Variants in ROBO2 observed in about 807,000 individuals in gnomAD.
ROBO2 encodes the protein roundabout guidance receptor 2.
A neutral mutation model predicts 160.8 loss-of-function variants in ROBO2; 53 were observed. That is an observed-to-expected ratio of 0.33 (90% CI 0.26 to 0.41). The LOEUF is 0.41. ROBO2 is among the 10% of genes least tolerant of loss of function. The pLI, the probability that ROBO2 is intolerant of heterozygous loss-of-function variation, is 1.00. For missense variants in ROBO2, 1,577 were observed against 1,722.4 expected, an observed-to-expected ratio of 0.92 and a Z score of 1.49; for synonymous variants, 664 against 611.7, an observed-to-expected ratio of 1.09 and a Z score of -1.26.
At chr3:77,106,160 A>G (rs2072769714) in intron 2 of ROBO2, among the ~76,000 whole-genome samples, 1 of 152,016 alleles carries the variant, frequency 6.6e-6, no homozygotes, top group African/African-American at 2.4e-5. Flanking sequence ...CTCCCACCAC[A>G]GCTTCCCAAG....
At chr3:77,272,873 C>A (rs556365996) in intron 2 of ROBO2, among the ~76,000 whole-genome samples, 1 of 152,182 alleles carries the variant, frequency 6.6e-6, no homozygotes, top group African/African-American at 2.4e-5. Context: ...AAAAATCTCT[C>A]TCTATATATA....
intron 2 of ROBO2, among the ~76,000 whole-genome samples, chr3:76,441,527 C>A (rs984551511): frequency 6.6e-6 from 1 of 152,202 alleles, no homozygotes; most frequent in Non-Finnish European, 1.5e-5. Flanking sequence ...AGCAGATTGA[C>A]AACCCATGAG....
chr3:76,224,880 T>C (rs2107437416), intron 2 of ROBO2, among the ~76,000 whole-genome samples: 1 of 152,170 alleles, frequency 6.6e-6, no homozygotes, highest in East Asian at 1.9e-4. Flanking sequence ...CAATCTCATT[T>C]CCCCCTTCCC....
intron 2 of ROBO2, among the ~76,000 whole-genome samples, chr3:76,599,098 G>T (rs2086928013): frequency 6.6e-6 from 1 of 152,078 alleles, no homozygotes; most frequent in African/African-American, 2.4e-5. Context: ...TAGGTTCAGG[G>T]TTACATGTGC....
At chr3:77,316,666 A>G (rs2064025036) in intron 2 of ROBO2, 2 of 672,240 alleles carry the variant, frequency 3.0e-6, no homozygotes, top group Admixed American at 2.1e-5. Flanking sequence ...CTTGCATCCC[A>G]GTCATACAAT....
intron 2 of ROBO2, among the ~76,000 whole-genome samples, chr3:76,182,934 A>G (rs1701579624): frequency 1.3e-5 from 2 of 152,088 alleles, no homozygotes; most frequent in South Asian, 4.2e-4. Context: ...ATTTCCTTGA[A>G]ACTCTGTAGC....
intron 2 of ROBO2, among the ~76,000 whole-genome samples, chr3:77,107,499 C>T (rs1023512818): frequency 6.6e-6 from 1 of 152,100 alleles, no homozygotes; most frequent in Admixed American, 6.6e-5. Flanking sequence ...TTTTTAAAAA[C>T]TAACAAAAAT....
chr3:77,089,547 TAG>T (rs2069836875), intron 1 of ROBO2, among the ~76,000 whole-genome samples: 1 of 152,204 alleles, frequency 6.6e-6, no homozygotes, highest in Admixed American at 6.5e-5. Context: ...AAGAAATAAG[TAG>T]AGTTTCTAGG....
At chr3:77,345,318 G>T (rs968683443) in intron 2 of ROBO2, among the ~76,000 whole-genome samples, 1 of 152,020 alleles carries the variant, frequency 6.6e-6, no homozygotes, top group African/African-American at 2.4e-5. Flanking sequence ...TCCAAGAGAA[G>T]GTAGAAACAT....
Position 76,192,608 on chromosome 3 carries a change from T to C in ROBO2, c.109+255006T>C, listed in dbSNP as rs1372373719. Among the ~76,000 whole-genome samples the C allele has an allele frequency of 2.7e-5, 4 of 150,928 alleles. No individual in the cohort carries two copies. In the East Asian group the frequency reaches 5.9e-4, roughly 22 times the overall value. ...TTTTTTTTTACATTTATACCCATCG[T>C]GTCCTCCTGTTAAGCAGAAGTTGTT... On this transcript the variant is annotated intron_variant, in intron 2 of 26. Transcript: ENST00000487694.
chr3:76,592,471 G>T (rs564304637), intron 2 of ROBO2, among the ~76,000 whole-genome samples: 1 of 152,124 alleles, frequency 6.6e-6, no homozygotes, highest in Non-Finnish European at 1.5e-5. Flanking sequence ...TTTGTTAAAG[G>T]CAGTCTTCAC....
chr3:75,985,384 C>T (rs914153707), intron 2 of ROBO2, among the ~76,000 whole-genome samples: 12 of 151,490 alleles, frequency 7.9e-5, no homozygotes, highest in African/African-American at 2.9e-4. Context: ...GGTTACAAAC[C>T]TGTAAAGCAT....
At position 77,266,156 on chromosome 3, in the gene ROBO2, A is replaced by G. The variant is rs78757739; in HGVS notation, c.388+167816A>G. On this transcript the variant is annotated intron_variant, in intron 2 of 25. Coordinates refer to ENST00000461745, the Ensembl canonical transcript of ROBO2. ...CTAGGCACAGGATTTTTTTTAAAAA[A>G]CTTTCGCTTTTCCCCATGCTATTTA... 4.8e-3 allele frequency among the ~76,000 whole-genome samples: 722 copies of G among 151,540 alleles called. 7 individuals are homozygous for G. Among genetic ancestry groups the G allele is most frequent in the African/African-American group, 0.017 (690 of 41,362 alleles).
At chr3:77,433,286 C>T (rs1210810355) in intron 2 of ROBO2, among the ~76,000 whole-genome samples, 1 of 151,740 alleles carries the variant, frequency 6.6e-6, no homozygotes, top group African/African-American at 2.4e-5. Context: ...TCCTGCATTT[C>T]AGATAATTTA....
intron 2 of ROBO2, among the ~76,000 whole-genome samples, chr3:77,468,346 G>A (rs960041709): frequency 3.3e-5 from 5 of 152,168 alleles, no homozygotes; most frequent in African/African-American, 1.2e-4. Flanking sequence ...GTGGTCAGAT[G>A]TCACCAGTTT....
intron 2 of ROBO2, among the ~76,000 whole-genome samples, chr3:76,601,704 AG>A (rs2087156490): frequency 6.6e-6 from 1 of 152,196 alleles, no homozygotes; most frequent in Non-Finnish European, 1.5e-5. Flanking sequence ...CTGTGATTGA[AG>A]GGGTTGCTGT....
Position 77,096,452 on chromosome 3 carries a change from C to CT in ROBO2, c.62-1549dup, listed in dbSNP as rs535870944. On this transcript the variant is annotated intron_variant, in intron 1 of 25. Transcript: ENST00000461745. ...TTCCTATTTCTTTTCTTTTCTTTTT[C>CT]TTTTTTTTTTTTTGAGATGGAGTTT... is the stretch of plus-strand genomic sequence containing the variant. Among the ~76,000 whole-genome samples, 1,208 of 142,800 alleles carry CT rather than the reference C, an allele frequency of 8.5e-3. 5 individuals carry two copies. The highest frequency in any genetic ancestry group is 0.027 in the South Asian group (120 of 4,474). The allele number at this position is 142,800 out of a possible 152,430, so 93.7% of individuals were successfully genotyped here.
intron 2 of ROBO2, among the ~76,000 whole-genome samples, chr3:77,330,667 G>A (rs2065886135): frequency 6.6e-6 from 1 of 152,180 alleles, no homozygotes. Context: ...ATTATTAGAA[G>A]ATCATTTTGG....
At chr3:76,959,631 G>T (rs1407405355) in intron 2 of ROBO2, among the ~76,000 whole-genome samples, 1 of 152,098 alleles carries the variant, frequency 6.6e-6, no homozygotes, top group Non-Finnish European at 1.5e-5. Flanking sequence ...ACAGATTAAT[G>T]ATACGAGTGC....
Sources: allele counts gnomAD v4.1 joint callset (sites outside exome capture counted in the v4.1 genomes callset), GRCh38; gene constraint gnomAD v4.1.1; transcripts MANE v1.5; gene names NCBI Gene and HGNC (gene_info 2026-07-23, HGNC 2026-07-21).